Variants in MLLT3 observed in about 807,000 individuals in gnomAD.
MLLT3 encodes MLLT3 super elongation complex subunit, also known as protein AF-9.
A neutral mutation model predicts 53.2 loss-of-function variants in MLLT3; 4 were observed. The observed-to-expected ratio is 0.08, with a 90% confidence interval of 0.04 to 0.17. The LOEUF (loss-of-function observed/expected upper bound fraction) is 0.17. Among genes scored for constraint, MLLT3 ranks in the 10% least tolerant of loss-of-function variants. The pLI is 1.00. For missense variants in MLLT3, 569 were observed against 684.0 expected (o/e 0.83, Z 1.87); for synonymous variants, 283 against 230.6 (o/e 1.23, Z -2.06).
chr9:20,481,452 C>T (rs1400002530), intron 2 of MLLT3, among the ~76,000 whole-genome samples: 6 of 152,132 alleles, frequency 3.9e-5, no homozygotes, highest in African/African-American at 7.2e-5. Context: ...CGCTCCATAT[C>T]GCAAGTCCCA....
chr9:20,419,015 C>G (rs1289004879), intron 4 of MLLT3, among the ~76,000 whole-genome samples: 1 of 152,132 alleles, frequency 6.6e-6, no homozygotes, highest in African/African-American at 2.4e-5. Flanking sequence ...CTAAAGTCCC[C>G]TAACAGCTCA....
intron 2 of MLLT3, among the ~76,000 whole-genome samples, chr9:20,530,473 A>G (rs1818302576): frequency 6.6e-6 from 1 of 152,228 alleles, no homozygotes; most frequent in Non-Finnish European, 1.5e-5. Context: ...TAAATCTGCC[A>G]AGATAAAGGG....
intron 2 of MLLT3, among the ~76,000 whole-genome samples, chr9:20,460,183 T>C (rs1824073552): frequency 6.6e-6 from 1 of 152,204 alleles, no homozygotes; most frequent in Non-Finnish European, 1.5e-5. Flanking sequence ...CACTTCTTCA[T>C]TGAGAGTCTC....
chr9:20,508,903 A>T (rs895200703), intron 2 of MLLT3, among the ~76,000 whole-genome samples: 1 of 152,188 alleles, frequency 6.6e-6, no homozygotes, highest in African/African-American at 2.4e-5. Context: ...CTCATAACCA[A>T]AAGAATATGG....
intron 5 of MLLT3, among the ~76,000 whole-genome samples, chr9:20,408,924 G>A (rs148531486): frequency 5.9e-5 from 9 of 151,958 alleles, no homozygotes; most frequent in African/African-American, 1.9e-4. Flanking sequence ...GTGATTTAAA[G>A]CATTTATCCT....
In MLLT3 at chr9:20,353,972, G is replaced by C. The variant is rs115247069; in HGVS notation, c.1504-376C>G. Reference sequence around the variant, plus strand: ...CTACTTTCATTTTTTTTTCATTCTTGAATCTCAGAAGGTTTCTAAGAGAAA... The same window carrying C: ...CTACTTTCATTTTTTTTTCATTCTTCAATCTCAGAAGGTTTCTAAGAGAAA... On this transcript the variant is annotated intron_variant, in intron 9 of 10. Transcript: ENST00000380338. Among the ~76,000 whole-genome samples, 1,437 of 150,964 alleles carry C rather than the reference G, an allele frequency of 9.5e-3. 19 individuals carry two copies. Among genetic ancestry groups the C allele is most frequent in the African/African-American group, 0.031 (1,253 of 40,928 alleles).
intron 2 of MLLT3, among the ~76,000 whole-genome samples, chr9:20,524,387 A>C (rs1818146016): frequency 6.6e-6 from 1 of 152,166 alleles, no homozygotes; most frequent in Non-Finnish European, 1.5e-5. Flanking sequence ...TCTCTGCAAA[A>C]ACTTCTATAA....
rs1488754817 is a variant in MLLT3, at chr9:20,620,483, G to A, written c.193+171C>T. 6.6e-6 allele frequency among the ~76,000 whole-genome samples: 1 copy of A among 150,864 alleles called. No homozygotes were observed. The highest frequency in any genetic ancestry group is 2.4e-5 in the African/African-American group (1 of 41,254). ...TTCACCAAGCCGAAGTGGCGCGCGC[G>A]CGGGCAGGCGGGAGCCGGGACCTGG... is the stretch of plus-strand genomic sequence containing the variant. On this transcript the variant is annotated intron_variant, in intron 2 of 10. Transcript: ENST00000380338. This position sits in a 1 kb window ranked among gnomAD's most constrained non-coding sequence, Gnocchi z 6.1.
intron 8 of MLLT3, among the ~76,000 whole-genome samples, chr9:20,358,264 T>C (rs1201426132): frequency 6.6e-6 from 1 of 152,096 alleles, no homozygotes; most frequent in Non-Finnish European, 1.5e-5. Flanking sequence ...CTCCAAGACA[T>C]AGCTCTAAGA....
intron 5 of MLLT3, among the ~76,000 whole-genome samples, chr9:20,381,079 T>G (rs1172923350): frequency 6.6e-6 from 1 of 151,952 alleles, no homozygotes; most frequent in Admixed American, 6.6e-5. Flanking sequence ...TAAAAGGAAC[T>G]TATTATGATC....
chr9:20,580,044 C>A (rs1340052483), intron 2 of MLLT3, among the ~76,000 whole-genome samples: 2 of 152,120 alleles, frequency 1.3e-5, no homozygotes, highest in Non-Finnish European at 2.9e-5. Flanking sequence ...TAAAGAAAGC[C>A]ATAGCTTCTT....
Position 20,580,120 on chromosome 9 carries a change from T to A in MLLT3, c.193+40534A>T, listed in dbSNP as rs571445808. Among the ~76,000 whole-genome samples the A allele has an allele frequency of 2.0e-5, 3 of 152,260 alleles. No homozygotes were observed. In the South Asian group the frequency reaches 6.2e-4, roughly 32 times the overall value. Reference sequence around the variant, plus strand: ...CAGTCTCACAGTACAAAAAGTCTACTCATCTTAGTCATTCACACAGGCACA... The same window carrying A: ...CAGTCTCACAGTACAAAAAGTCTACACATCTTAGTCATTCACACAGGCACA... On this transcript the variant is annotated intron_variant, in intron 2 of 10. Transcript: ENST00000380338.
chr9:20,547,047 T>A (rs1306421825), intron 2 of MLLT3, among the ~76,000 whole-genome samples: 1 of 152,190 alleles, frequency 6.6e-6, no homozygotes, highest in Non-Finnish European at 1.5e-5. Context: ...CTTTGGCCTC[T>A]TGAATCTGGT....
chr9:20,452,960 A>T (rs1586959781), intron 3 of MLLT3, among the ~76,000 whole-genome samples: 1 of 152,216 alleles, frequency 6.6e-6, no homozygotes, highest in Admixed American at 6.5e-5. Context: ...ATAGTCAACA[A>T]TAAGGTATTG....
At chr9:20,525,928 A>G (rs1265135906) in intron 2 of MLLT3, among the ~76,000 whole-genome samples, 3 of 152,216 alleles carry the variant, frequency 2.0e-5, no homozygotes, top group African/African-American at 7.2e-5. Flanking sequence ...TACTGAGACC[A>G]AAAAAGCAAT....
chr9:20,529,447 GTA>G (rs2118993036), intron 2 of MLLT3, among the ~76,000 whole-genome samples: 1 of 152,202 alleles, frequency 6.6e-6, no homozygotes, highest in South Asian at 2.1e-4. Flanking sequence ...CCAAATCAGA[GTA>G]TGTTAGCAGA....
At chr9:20,364,233 G>C (rs1240034259) in intron 6 of MLLT3, among the ~76,000 whole-genome samples, 1 of 152,072 alleles carries the variant, frequency 6.6e-6, no homozygotes, top group African/African-American at 2.4e-5. Flanking sequence ...CACAATACCA[G>C]CATGTATAAA....
intron 2 of MLLT3, among the ~76,000 whole-genome samples, chr9:20,464,357 C>T (rs1289355771): frequency 6.6e-6 from 1 of 152,012 alleles, no homozygotes; most frequent in Non-Finnish European, 1.5e-5. Context: ...CCGTTGCCTG[C>T]TAAGTACAAG....
chr9:20,467,393 C>T (rs1455030097), intron 2 of MLLT3, among the ~76,000 whole-genome samples: 1 of 152,116 alleles, frequency 6.6e-6, no homozygotes, highest in African/African-American at 2.4e-5. Context: ...TCCTGGCCAA[C>T]ATGGTGAAAC....
Sources: gnomAD v4.1 joint callset for allele counts (sites outside exome capture counted in the v4.1 genomes callset) on GRCh38, gnomAD v4.1.1 for gene constraint, Gnocchi (gnomAD v3.1) non-coding constraint, MANE v1.5 for transcripts, NCBI Gene and HGNC (gene_info 2026-07-23, HGNC 2026-07-21) for gene names.